The following MTA3 variants were observed in gnomAD, a reference collection of about 807,000 sequenced individuals.
The protein encoded by MTA3 is metastasis-associated protein MTA3.
Under a neutral mutation model 83.5 loss-of-function variants are expected in MTA3, and 34 were observed. The ratio of observed to expected loss-of-function variants is 0.41; its 90% confidence interval spans 0.31 to 0.54. The LOEUF (loss-of-function observed/expected upper bound fraction) is 0.54, where lower values mean the gene tolerates loss of function less well. Among genes scored for constraint, MTA3 ranks in the 20% least tolerant of loss-of-function variants. The pLI is 0.33. For missense variants in MTA3, 761 were observed against 726.4 expected (o/e 1.05, Z -0.55); for synonymous variants, 303 against 252.7 (o/e 1.20, Z -1.89).
chr2:42,507,380 C>G (rs1457301871), intron 2 of MTA3, among the ~76,000 whole-genome samples: 1 of 151,844 alleles, frequency 6.6e-6, no homozygotes, highest in African/African-American at 2.4e-5. Context: ...ACTATGTTGC[C>G]TAAGCTGGTC....
chr2:42,577,216 T>C (rs1436960727), intron 2 of MTA3, among the ~76,000 whole-genome samples: 1 of 150,422 alleles, frequency 6.6e-6, no homozygotes, highest in African/African-American at 2.5e-5. Flanking sequence ...AGTTGCAGAC[T>C]GGCACTGGGC....
chr2:42,519,884 C>T (rs1022604808), intron 2 of MTA3, among the ~76,000 whole-genome samples: 7 of 151,972 alleles, frequency 4.6e-5, no homozygotes, highest in African/African-American at 1.4e-4. Context: ...CCCTGTCTCA[C>T]GTAAACAATT....
chr2:42,653,243 T>G (rs1440896148), intron 6 of MTA3, among the ~76,000 whole-genome samples: 1 of 152,176 alleles, frequency 6.6e-6, no homozygotes, highest in Non-Finnish European at 1.5e-5. Context: ...CTGTGTTTTT[T>G]GATGATACGG....
At chr2:42,519,014 CA>C in intron 2 of MTA3, among the ~76,000 whole-genome samples, 1 of 124,826 alleles carries the variant, frequency 8.0e-6, no homozygotes, top group Non-Finnish European at 1.7e-5. Flanking sequence ...CACACACACA[CA>C]CACACACACA....
chr2:42,690,585 T>C (rs1305653680), intron 9 of MTA3, among the ~76,000 whole-genome samples: 2 of 151,580 alleles, frequency 1.3e-5, no homozygotes, highest in Non-Finnish European at 2.9e-5. Context: ...ATTTTCTTTT[T>C]AAACATTTTT....
chr2:42,583,086 GA>G (rs1042028004), intron 3 of MTA3, among the ~76,000 whole-genome samples: 3 of 152,050 alleles, frequency 2.0e-5, no homozygotes, highest in Non-Finnish European at 4.4e-5. Context: ...AAAACGGGGA[GA>G]AAAAAGACAC....
chr2:42,563,926 C>A (rs1007677634), upstream of MTA3, among the ~76,000 whole-genome samples: 1 of 152,024 alleles, frequency 6.6e-6, no homozygotes, highest in Non-Finnish European at 1.5e-5. Context: ...CAGGTTTAAG[C>A]CATTCTCCCG....
intron 2 of MTA3, among the ~76,000 whole-genome samples, chr2:42,539,362 GA>G (rs1213038742): frequency 6.6e-6 from 1 of 152,052 alleles, no homozygotes; most frequent in Non-Finnish European, 1.5e-5. Context: ...GGCAGCAGGA[GA>G]GAGAAGAATG....
Position 42,740,046 on chromosome 2 carries a change from A to G in MTA3, c.1760-13328A>G, listed in dbSNP as rs569268100. 1.6e-4 allele frequency among the ~76,000 whole-genome samples: 25 copies of G among 152,318 alleles called. No homozygotes were observed. In the South Asian group the frequency reaches 4.4e-3, roughly 27 times the overall value. On this transcript the variant is annotated intron_variant, in intron 16 of 16. Coordinates refer to ENST00000405094, the MANE Select transcript of MTA3 (RefSeq NM_001330442.2). The stretch of plus-strand genomic sequence containing the variant: ...CAATTTCTTCTGAACTCCTGTTAGT[A>G]TTGATATTTTGGCCTCCTCCCATGA...
chr2:42,581,773 T>C, intron 3 of MTA3: 1 of 293,326 alleles, frequency 3.4e-6, no homozygotes, highest in South Asian at 2.9e-5. Flanking sequence ...TATTTTATTT[T>C]TATTTATTTA....
At chr2:42,651,570 C>T (rs570445211) in intron 6 of MTA3, among the ~76,000 whole-genome samples, 21 of 151,984 alleles carry the variant, frequency 1.4e-4, no homozygotes, top group African/African-American at 2.4e-4. Context: ...CTGAGGCTGG[C>T]GGATGACTTG....
At chr2:42,722,665 C>T (rs2888840) in intron 15 of MTA3, among the ~76,000 whole-genome samples, 84,609 of 151,728 alleles carry the variant, frequency 0.56, 24,416 homozygotes, top group African/African-American at 0.71. Context: ...ATTCACAACC[C>T]GAGGCTCAGA....
chr2:42,568,932 C>T (rs542243634), intron 1 of MTA3, among the ~76,000 whole-genome samples, 159 bp downstream of exon 1: 37 of 151,958 alleles, frequency 2.4e-4, no homozygotes, highest in Non-Finnish European at 4.9e-4. Context: ...ACTCCCCACC[C>T]CCACCCATCC....
intron 7 of MTA3, among the ~76,000 whole-genome samples, chr2:42,658,560 A>G (rs543519672): frequency 6.6e-6 from 1 of 152,300 alleles, no homozygotes; most frequent in East Asian, 1.9e-4. Context: ...TGGACGTAAT[A>G]TCCAGCTGTG....
At chr2:42,667,007 C>G (rs967837449) in intron 8 of MTA3, among the ~76,000 whole-genome samples, 1 of 152,178 alleles carries the variant, frequency 6.6e-6, no homozygotes, top group Non-Finnish European at 1.5e-5. Context: ...ATCCCCAGAG[C>G]TGTACACACA....
At chr2:42,513,809 A>G (rs938409436) in intron 2 of MTA3, among the ~76,000 whole-genome samples, 1 of 152,232 alleles carries the variant, frequency 6.6e-6, no homozygotes, top group Admixed American at 6.5e-5. Context: ...CTGAGGGGCA[A>G]ACGGGCTTAC....
At chr2:42,514,950 C>T (rs895745241) in intron 2 of MTA3, among the ~76,000 whole-genome samples, 1 of 151,600 alleles carries the variant, frequency 6.6e-6, no homozygotes, top group African/African-American at 2.4e-5. Context: ...CTTGACCTCC[C>T]AAAGCGCTGG....
rs77068907 is a variant in MTA3, at chr2:42,728,116, A to T, written c.1759+5081A>T. On this transcript the variant is annotated intron_variant, in intron 16 of 16. Transcript: ENST00000405094. The stretch of plus-strand genomic sequence containing the variant: ...CTACCACTATCCTTCCTACCTTCTG[A>T]TAACCACCATTCTACTCTCTATCTC... 2.6e-4 allele frequency among the ~76,000 whole-genome samples: 40 copies of T among 152,196 alleles called. 1 individual carries two copies. The East Asian group carries it at 7.7e-3, about 29-fold the overall frequency.
intron 2 of MTA3, among the ~76,000 whole-genome samples, chr2:42,513,230 G>T (rs1674982004): frequency 6.6e-6 from 1 of 152,156 alleles, no homozygotes; most frequent in African/African-American, 2.4e-5. Flanking sequence ...AAACTATAGT[G>T]ATTTATTCTG....
Sources: allele counts gnomAD v4.1 joint callset (sites outside exome capture counted in the v4.1 genomes callset), GRCh38; gene constraint gnomAD v4.1.1; transcripts MANE v1.5; gene names NCBI Gene and HGNC (gene_info 2026-07-23, HGNC 2026-07-21).